ARHGEF12: variants seen among roughly 807,000 people sequenced by gnomAD.
ARHGEF12 encodes the protein Rho guanine nucleotide exchange factor 12, also known as KMT2A/ARHGEF12 fusion protein.
ARHGEF12 carries 66 observed loss-of-function variants against 211.2 expected under a neutral mutation model. The ratio of observed to expected loss-of-function variants is 0.31; its 90% CI spans 0.26 to 0.38. The LOEUF is 0.38. ARHGEF12 is among the 10% of genes least tolerant of loss of function. The probability of loss-of-function intolerance (pLI) is 1.00; values close to 1 mark genes in which losing one functional copy is unlikely to be tolerated. For missense variants in ARHGEF12, 1,429 were observed against 1,869.5 expected (o/e 0.76, Z 4.34); for synonymous variants, 592 against 638.4 (o/e 0.93, Z 1.09).
intron 1 of ARHGEF12, among the ~76,000 whole-genome samples, chr11:120,396,133 C>G (rs1944376157): frequency 6.6e-6 from 1 of 152,100 alleles, no homozygotes; most frequent in African/African-American, 2.4e-5. Context: ...GAGAGCATGT[C>G]AGTGGCATAA....
intron 11 of ARHGEF12, among the ~76,000 whole-genome samples, chr11:120,435,278 A>G (rs1263801092): frequency 6.6e-6 from 1 of 151,978 alleles, no homozygotes; most frequent in East Asian, 1.9e-4. Flanking sequence ...TTATATTTTC[A>G]TGGTGTCGTA....
intron 1 of ARHGEF12, among the ~76,000 whole-genome samples, chr11:120,394,472 A>G (rs974016713): frequency 6.6e-6 from 1 of 151,696 alleles, no homozygotes; most frequent in African/African-American, 2.4e-5. Flanking sequence ...CTGGGATTTC[A>G]GGTGTGAGCC....
intron 1 of ARHGEF12, among the ~76,000 whole-genome samples, chr11:120,339,095 C>G (rs1400397452): frequency 7.3e-6 from 1 of 137,142 alleles, no homozygotes; most frequent in Non-Finnish European, 1.5e-5. Context: ...TTGGTTTGGG[C>G]ATTAATGTTT....
At chr11:120,428,741 AGCAC>A (rs1214236821) in intron 8 of ARHGEF12, among the ~76,000 whole-genome samples, 1 of 152,212 alleles carries the variant, frequency 6.6e-6, no homozygotes, top group African/African-American at 2.4e-5. Flanking sequence ...GGAGGGAGAA[AGCAC>A]ATAGAAGAAG....
Position 120,459,229 on chromosome 11 carries a change from G to C in ARHGEF12, c.2436G>C (p.Val812=). ...HVRTLKVLDQ[V]FYQRVSREGI... is the part of the protein sequence containing the mutation. ...GAACACTGAAGGTTCTTGATCAAGT[G>C]TTCTATCAGCGAGTATCCAGAGAAG... Residue 812 remains valine, a synonymous_variant, in exon 26 of 41, where the codon GTG becomes GTC. Coordinates refer to ENST00000397843, the MANE Select transcript of ARHGEF12 (RefSeq NM_015313.3). 1 of 1,613,690 alleles carries C rather than the reference G, an allele frequency of 6.2e-7. No homozygotes were observed. Among genetic ancestry groups the C allele is most frequent in the Non-Finnish European group, 8.5e-7 (1 of 1,179,804 alleles).
At position 120,428,104 on chromosome 11, in the gene ARHGEF12, C is replaced by A; in HGVS notation, c.442C>A (p.Pro148Thr). The A allele has an allele frequency of 3.7e-6, 6 of 1,607,600 alleles. No homozygotes were observed. Among genetic ancestry groups the A allele is most frequent in the Non-Finnish European group, 5.1e-6 (6 of 1,177,324 alleles). Residue 148 changes from proline (P) to threonine (T), a missense_variant, in exon 8 of 41, where the codon CCA becomes ACA. Physicochemically the swap from Pro to Thr is conservative, Grantham distance 38. Around this residue, in one of 7 missense-constraint regions of ARHGEF12, gnomAD observed 254 missense variants for 286.4 expected, o/e 0.89. Coordinates refer to ENST00000397843, the MANE Select transcript of ARHGEF12 (RefSeq NM_015313.3). ...TGTAGCTCTCACTGTTCAGGGACGC[C>A]CACCTGGGTCGCCCCAGATTCCACT... is the stretch of plus-strand genomic sequence containing the variant. ...SYVALTVQGR[P>T]PGSPQIPLAD...
chr11:120,448,120 G>A, intron 19 of ARHGEF12, 114 bp from the exon 20 acceptor site: 4 of 852,604 alleles, frequency 4.7e-6, no homozygotes, highest in Non-Finnish European at 7.4e-6. Context: ...TTTAGTGTTT[G>A]TTTGATTTAT....
At chr11:120,418,696 CA>C (rs1945098789) in intron 4 of ARHGEF12, among the ~76,000 whole-genome samples, 1 of 152,158 alleles carries the variant, frequency 6.6e-6, no homozygotes, top group South Asian at 2.1e-4. Flanking sequence ...TCTTTGCTAC[CA>C]CTGTTTATGA....
intron 29 of ARHGEF12, among the ~76,000 whole-genome samples, chr11:120,467,568 G>A (rs1315202183): frequency 6.9e-6 from 1 of 143,954 alleles, no homozygotes; most frequent in Non-Finnish European, 1.5e-5. Flanking sequence ...TCAGCTTCCC[G>A]AACAGCTGGG....
chr11:120,348,541 A>G (rs1484224797), intron 1 of ARHGEF12, among the ~76,000 whole-genome samples: 4 of 152,212 alleles, frequency 2.6e-5, no homozygotes, highest in African/African-American at 4.8e-5. Context: ...AGTAGTGTAT[A>G]AAATTACCGT....
At position 120,444,577 on chromosome 11, in the gene ARHGEF12, C is replaced by T. The variant is rs11217870; in HGVS notation, c.1303-845C>T. Among the ~76,000 whole-genome samples, 419 of 152,210 alleles carry T rather than the reference C, an allele frequency of 2.8e-3. 8 individuals are homozygous for T. The East Asian group carries it at 0.041, about 15-fold the overall frequency. ...TATAAAGAGATCTTACAATTTTTAGCGGTGACTTATTTTCAAATTTAAAAC... is the reference window on the plus strand; with the variant it reads ...TATAAAGAGATCTTACAATTTTTAGTGGTGACTTATTTTCAAATTTAAAAC... On this transcript the variant is annotated intron_variant, in intron 15 of 40. Transcript: ENST00000397843.
chr11:120,364,865 T>C (rs67551874), intron 1 of ARHGEF12, among the ~76,000 whole-genome samples: 27,869 of 148,166 alleles, frequency 0.19, 2,964 homozygotes, highest in Non-Finnish European at 0.23. Context: ...TCGCCTAGGC[T>C]TGAGTGCAGT....
intron 1 of ARHGEF12, among the ~76,000 whole-genome samples, chr11:120,378,655 A>G (rs1308937028): frequency 6.6e-6 from 1 of 152,192 alleles, no homozygotes; most frequent in African/African-American, 2.4e-5. Context: ...TAACATTTGT[A>G]TATGGTGTGA....
At chr11:120,337,300 C>T (rs1942379545) in intron 1 of ARHGEF12, 25 bp downstream of exon 1, 1 of 1,613,724 alleles carries the variant, frequency 6.2e-7, no homozygotes, top group Non-Finnish European at 8.5e-7. Context: ...CTCCTTCGTT[C>T]GGCCTCCCGG....
At position 120,488,215 on chromosome 11, in the gene ARHGEF12, T is replaced by G. The variant is rs1947444734; in HGVS notation, c.*3138T>G. 4.6e-6 allele frequency: 1 copy of G among 215,936 alleles called. No individual in the cohort carries two copies. The highest frequency in any genetic ancestry group is 1.9e-4 in the South Asian group (1 of 5,360). 13.4% of individuals were successfully genotyped at this position (215,936 alleles called of 1,614,324 possible). ...TGTTTTCCTCTTTGATGTTAGTAAA[T>G]TTGGTGTAATACGTGGGGCTTCCAT... On this transcript the variant is annotated 3_prime_UTR_variant, in exon 41 of 41. Transcript: ENST00000397843.
At chr11:120,466,922 A>G (rs1000916587) in intron 28 of ARHGEF12, among the ~76,000 whole-genome samples, 2 of 152,242 alleles carry the variant, frequency 1.3e-5, no homozygotes, top group Admixed American at 6.5e-5. Flanking sequence ...TTTCAACACA[A>G]GGAAGCGATA....
intron 38 of ARHGEF12, 92 bp downstream of exon 38, chr11:120,480,522 T>G (rs1947203308): frequency 3.4e-6 from 2 of 583,766 alleles, no homozygotes; most frequent in Non-Finnish European, 2.4e-6. Context: ...GGTATCCAGG[T>G]GTGTGTGTGT....
intron 1 of ARHGEF12, among the ~76,000 whole-genome samples, chr11:120,352,974 C>A (rs1265378217): frequency 6.6e-6 from 1 of 152,202 alleles, no homozygotes; most frequent in Non-Finnish European, 1.5e-5. Context: ...AATCCCTGAC[C>A]CAAGGCTCTA....
At position 120,381,494 on chromosome 11, in the gene ARHGEF12, ATT is replaced by A. The variant is rs1943876904; in HGVS notation, c.33-24622_33-24621del. 2.0e-5 allele frequency among the ~76,000 whole-genome samples: 3 copies of A among 152,164 alleles called. 1 individual carries two copies. The South Asian group carries it at 6.2e-4, about 32-fold the overall frequency. ...AGTTTCTTTTGTCATTAGCCTTACA[ATT>A]TCAAGTCAAAACACCGTGTTCCAAA... On this transcript the variant is annotated intron_variant, in intron 1 of 40. Coordinates refer to ENST00000397843, the MANE Select transcript of ARHGEF12 (RefSeq NM_015313.3).
Sources: allele counts gnomAD v4.1 joint callset (sites outside exome capture counted in the v4.1 genomes callset), GRCh38; gene constraint gnomAD v4.1.1; regional missense constraint gnomAD v4.1.1; transcripts MANE v1.5; gene names NCBI Gene and HGNC (gene_info 2026-07-23, HGNC 2026-07-21).